The following MNAT1 variants were observed in gnomAD, a reference collection of about 807,000 sequenced individuals.
The protein encoded by MNAT1 is CDK-activating kinase assembly factor MAT1.
MNAT1 carries 43 observed loss-of-function variants against 42.0 expected under a neutral mutation model. That is an observed-to-expected ratio of 1.02 (90% CI 0.80 to 1.32). The LOEUF (loss-of-function observed/expected upper bound fraction) is 1.32, where lower values mean the gene tolerates loss of function less well. Ranked by LOEUF, MNAT1 falls within the 40% of genes most tolerant of loss-of-function variation. The probability of loss-of-function intolerance (pLI) is 0.00; values close to 1 mark genes in which losing one functional copy is unlikely to be tolerated. For synonymous variants in MNAT1, 118 were observed against 120.0 expected, an observed-to-expected ratio of 0.98 and a Z score of 0.11; for missense variants, 306 against 350.4, an observed-to-expected ratio of 0.87 and a Z score of 1.01.
At chr14:60,831,445 G>A (rs1237969521) in intron 6 of MNAT1, among the ~76,000 whole-genome samples, 6 of 152,132 alleles carry the variant, frequency 3.9e-5, no homozygotes, top group Admixed American at 3.9e-4. Flanking sequence ...TTCTGTTCCT[G>A]TGTTAGTTTG....
chr14:60,808,570 TGTATAG>T, intron 4 of MNAT1, 142 bp downstream of exon 4: 1 of 532,440 alleles, frequency 1.9e-6, no homozygotes, highest in Non-Finnish European at 3.3e-6. Flanking sequence ...GAATATATGC[TGTATAG>T]GTATGTAGGT....
At chr14:60,821,421 A>G (rs1407790386) in intron 6 of MNAT1, among the ~76,000 whole-genome samples, 1 of 152,178 alleles carries the variant, frequency 6.6e-6, no homozygotes, top group African/African-American at 2.4e-5. Context: ...TACCTATTTA[A>G]TGAATGTTCA....
chr14:60,930,366 T>C (rs1225084189), intron 7 of MNAT1, among the ~76,000 whole-genome samples: 1 of 151,930 alleles, frequency 6.6e-6, no homozygotes, highest in Non-Finnish European at 1.5e-5. Context: ...CCACAATGCC[T>C]TGATGGCACA....
intron 6 of MNAT1, among the ~76,000 whole-genome samples, chr14:60,863,090 T>C (rs747199054): frequency 3.9e-5 from 6 of 152,052 alleles, no homozygotes; most frequent in Non-Finnish European, 5.9e-5. Flanking sequence ...ACAAAGAAAA[T>C]GCAGTCTTAT....
intron 7 of MNAT1, among the ~76,000 whole-genome samples, chr14:60,909,873 A>C (rs1321198858): frequency 2.0e-5 from 3 of 152,162 alleles, no homozygotes; most frequent in African/African-American, 7.2e-5. Flanking sequence ...AGTCATTGGT[A>C]GCTTGATGGG....
At chr14:60,916,423 G>C (rs554448856) in intron 7 of MNAT1, among the ~76,000 whole-genome samples, 6 of 152,206 alleles carry the variant, frequency 3.9e-5, no homozygotes, top group Non-Finnish European at 7.4e-5. Flanking sequence ...GGGAGGCCAA[G>C]GCACAAGGAT....
chr14:60,899,072 T>C (rs4151323), intron 7 of MNAT1, among the ~76,000 whole-genome samples: 38,679 of 152,068 alleles, frequency 0.25, 5,335 homozygotes, highest in Middle Eastern at 0.34. Context: ...GCCGTAAACA[T>C]GTGGCTTTAT....
At chr14:60,902,829 TTATA>T (rs142127434) in intron 7 of MNAT1, among the ~76,000 whole-genome samples, 21 of 152,146 alleles carry the variant, frequency 1.4e-4, no homozygotes, top group Non-Finnish European at 2.5e-4. Flanking sequence ...GTTCTTGCTG[TTATA>T]TATGAAAACT....
intron 6 of MNAT1, among the ~76,000 whole-genome samples, chr14:60,846,964 G>GT (rs2033697769): frequency 6.6e-6 from 1 of 152,048 alleles, no homozygotes; most frequent in African/African-American, 2.4e-5. Flanking sequence ...TTGTTGAATT[G>GT]TTTATTTCTC....
chr14:60,935,392 TA>T (rs1295927441), intron 7 of MNAT1, among the ~76,000 whole-genome samples: 2 of 150,156 alleles, frequency 1.3e-5, no homozygotes, highest in Non-Finnish European at 1.5e-5. Context: ...ATACTTTATA[TA>T]AAGTGCAAGA....
intron 7 of MNAT1, among the ~76,000 whole-genome samples, chr14:60,895,809 C>G (rs1003649990): frequency 6.6e-6 from 1 of 152,028 alleles, no homozygotes; most frequent in African/African-American, 2.4e-5. Context: ...ATCTCGTTTC[C>G]GTTTTCCAAT....
At chr14:60,856,233 C>T (rs116525704) in intron 6 of MNAT1, among the ~76,000 whole-genome samples, 2 of 152,210 alleles carry the variant, frequency 1.3e-5, no homozygotes, top group African/African-American at 4.8e-5. Flanking sequence ...AAGTGCTGCT[C>T]TAGTGAACAC....
chr14:60,926,585 G>A (rs1005162312), intron 7 of MNAT1, among the ~76,000 whole-genome samples: 11 of 152,134 alleles, frequency 7.2e-5, no homozygotes, highest in African/African-American at 1.9e-4. Context: ...GAGGATATAC[G>A]TGAACAGCCA....
At chr14:60,754,202 A>C (rs2030226532) in intron 1 of MNAT1, among the ~76,000 whole-genome samples, 1 of 152,240 alleles carries the variant, frequency 6.6e-6, no homozygotes, top group South Asian at 2.1e-4. Context: ...TAAGCTGTCA[A>C]GCTTGGTGGT....
At chr14:60,870,992 A>C (rs2034313128) in intron 6 of MNAT1, among the ~76,000 whole-genome samples, 1 of 152,208 alleles carries the variant, frequency 6.6e-6, no homozygotes, top group Non-Finnish European at 1.5e-5. Context: ...GGAATCATGT[A>C]ATATATTGGT....
chr14:60,911,870 T>G (rs12895490), intron 7 of MNAT1, among the ~76,000 whole-genome samples: 93,174 of 151,130 alleles, frequency 0.62, 30,487 homozygotes, highest in Non-Finnish European at 0.71. Flanking sequence ...AATTCCTGGA[T>G]ATCCTTGTTA....
In MNAT1 at chr14:60,947,816, G is replaced by T. The variant is rs181227789; in HGVS notation, c.810-20413G>T. ...ACCAGTACTTCACTCAGTTCTTTAT[G>T]CTCCAAATGGAACTTACCTTCATTG... On this transcript the variant is annotated intron_variant, in intron 7 of 7. Coordinates refer to ENST00000261245, the MANE Select transcript of MNAT1 (RefSeq NM_002431.4). 3.2e-3 allele frequency among the ~76,000 whole-genome samples: 484 copies of T among 152,236 alleles called. 8 individuals carry two copies. Among genetic ancestry groups the T allele is most frequent in the Non-Finnish European group, 7.5e-4 (51 of 68,002 alleles).
At chr14:60,800,672 A>G (rs1485171799) in intron 3 of MNAT1, among the ~76,000 whole-genome samples, 2 of 152,214 alleles carry the variant, frequency 1.3e-5, no homozygotes, top group East Asian at 1.9e-4. Context: ...TATACTTCCT[A>G]TATATGTTTT....
rs1266240999 is a variant in MNAT1 at position 60,886,079 on chromosome 14, G to A, written c.809+6244G>A. ...AAAATTAGTTGACTGCAGATGTTTG[G>A]GTTTATTTCTGGGCTCCCTATTCTG... On this transcript the variant is annotated intron_variant, in intron 7 of 7. Transcript: ENST00000261245. Among the ~76,000 whole-genome samples the A allele has an allele frequency of 2.0e-5, 3 of 151,744 alleles. No individual in the cohort carries two copies. In the East Asian group the frequency reaches 5.8e-4, roughly 29 times the overall value.
Sources: allele counts gnomAD v4.1 joint callset (sites outside exome capture counted in the v4.1 genomes callset), GRCh38; gene constraint gnomAD v4.1.1; transcripts MANE v1.5; gene names NCBI Gene and HGNC (gene_info 2026-07-23, HGNC 2026-07-21).